Variants in COG2 observed in about 807,000 individuals in gnomAD.
COG2 encodes conserved oligomeric Golgi complex subunit 2.
In COG2, 52 loss-of-function variants were observed where a neutral mutation model predicts 90.6. The observed-to-expected ratio is 0.57, with a 90% confidence interval of 0.46 to 0.72. The LOEUF is 0.72. Ranked by LOEUF, COG2 falls within the 30% of genes least tolerant of loss-of-function variation. The pLI, the probability that COG2 is intolerant of heterozygous loss-of-function variation, is 0.00. For missense variants in COG2, 829 were observed against 891.2 expected (o/e 0.93, Z 0.89); for synonymous variants, 337 against 320.4 (o/e 1.05, Z -0.55).
intron 9 of COG2, chr1:230,678,599 C>A (rs1662655859): frequency 1.6e-6 from 2 of 1,277,858 alleles, no homozygotes; most frequent in African/African-American, 1.5e-5. Flanking sequence ...GCTGTCAATT[C>A]TAATTCCAGT....
Position 230,645,833 on chromosome 1 carries a change from G to A in COG2, c.72+3155G>A, listed in dbSNP as rs542430268. 4.6e-5 allele frequency among the ~76,000 whole-genome samples: 7 copies of A among 152,132 alleles called. No individual in the cohort carries two copies. The East Asian group carries it at 5.8e-4, about 13-fold the overall frequency. ...AAGGAGTGCCTAACCTAGATCCCTC[G>A]CATGTGCAGTTCACAGTAGGGTCCA... On this transcript the variant is annotated intron_variant, in intron 1 of 17. Transcript: ENST00000366669.
intron 6 of COG2, chr1:230,669,027 C>A: frequency 2.2e-6 from 1 of 458,686 alleles, no homozygotes; most frequent in Non-Finnish European, 3.8e-6. Flanking sequence ...AATTGGACAT[C>A]TTATATGATG....
intron 12 of COG2, among the ~76,000 whole-genome samples, chr1:230,686,614 T>C (rs936754672): frequency 9.2e-5 from 14 of 152,346 alleles, no homozygotes; most frequent in Admixed American, 7.8e-4. Context: ...ATAATTGATT[T>C]TTTTAAAACC....
intron 6 of COG2, chr1:230,669,073 T>C (rs1558273580): frequency 1.1e-5 from 5 of 455,396 alleles, no homozygotes; most frequent in Non-Finnish European, 1.5e-5. Flanking sequence ...TTAATTGGAT[T>C]TTAAATCCAT....
At chr1:230,659,320 T>TA (rs1201901654) in intron 1 of COG2, 144 bp from the exon 2 acceptor site, 2 of 696,302 alleles carry the variant, frequency 2.9e-6, no homozygotes, top group African/African-American at 3.6e-5. Flanking sequence ...TACTGTCATG[T>TA]ATAAGCCAAG....
intron 16 of COG2, among the ~76,000 whole-genome samples, chr1:230,690,873 A>G (rs1663008422): frequency 6.6e-6 from 1 of 152,194 alleles, no homozygotes. Flanking sequence ...TTGAAATATA[A>G]CTCATTTATA....
chr1:230,656,156 A>G (rs1489608502), intron 1 of COG2, among the ~76,000 whole-genome samples: 4 of 151,476 alleles, frequency 2.6e-5, no homozygotes, highest in Non-Finnish European at 5.9e-5. Flanking sequence ...TAGCTTTTGA[A>G]TTTGTCTGCT....
chr1:230,674,530 C>A lies in COG2; in HGVS notation c.900-468C>A, dbSNP rs368135734. On this transcript the variant is annotated intron_variant, in intron 8 of 17. Transcript: ENST00000366669. ...ATTTGATAGTCATAGAATTTTAGAACTGAAAGTAATCTTAGAGATAGCTTA... is the reference window on the plus strand; with the variant it reads ...ATTTGATAGTCATAGAATTTTAGAAATGAAAGTAATCTTAGAGATAGCTTA... Among the ~76,000 whole-genome samples the A allele has an allele frequency of 3.9e-4, 59 of 152,320 alleles. 1 individual carries two copies. In the South Asian group the frequency reaches 0.012, roughly 30 times the overall value.
chr1:230,665,852 A>G (rs184821660), intron 5 of COG2, among the ~76,000 whole-genome samples: 22 of 151,990 alleles, frequency 1.4e-4, no homozygotes, highest in African/African-American at 1.9e-4. Context: ...CCTCCCAACT[A>G]TGTCCTCACT....
intron 1 of COG2, among the ~76,000 whole-genome samples, chr1:230,647,260 G>A (rs1408719831): frequency 6.6e-6 from 1 of 152,016 alleles, no homozygotes; most frequent in South Asian, 2.1e-4. Context: ...ATAGAGTTGG[G>A]TACTATCTGT....
At chr1:230,651,849 T>C (rs540748416) in intron 1 of COG2, among the ~76,000 whole-genome samples, 13 of 152,350 alleles carry the variant, frequency 8.5e-5, no homozygotes, top group Admixed American at 7.2e-4. Flanking sequence ...TAGTATTTTT[T>C]AATTAATAGA....
intron 1 of COG2, among the ~76,000 whole-genome samples, chr1:230,652,141 C>T (rs554387252): frequency 6.6e-4 from 101 of 152,296 alleles, no homozygotes; most frequent in Non-Finnish European, 1.1e-3. Context: ...AGTTTCACTG[C>T]TTTACAAATC....
At chr1:230,649,148 T>C (rs1379003348) in intron 1 of COG2, among the ~76,000 whole-genome samples, 1 of 152,234 alleles carries the variant, frequency 6.6e-6, no homozygotes, top group African/African-American at 2.4e-5. Context: ...TGCTACTGTT[T>C]CATAAAACTT....
At chr1:230,664,843 G>A (rs996626424) in intron 5 of COG2, among the ~76,000 whole-genome samples, 4 of 152,130 alleles carry the variant, frequency 2.6e-5, no homozygotes, top group Non-Finnish European at 4.4e-5. Context: ...TCTGTGGAAG[G>A]TTTTTATTTT....
In COG2 at chr1:230,684,034, A is replaced by AC. The variant is rs748011315; in HGVS notation, c.1228+406dup. Among the ~76,000 whole-genome samples, 240 of 150,828 alleles carry AC rather than the reference A, an allele frequency of 1.6e-3. 3 individuals carry two copies. Among genetic ancestry groups the AC allele is most frequent in the Middle Eastern group, 0.014 (4 of 290 alleles). ...CTCGAACTCTGACCTCAAGTGATTC[A>AC]CCCCCCCTTGGCCTTCCAGAGTGCT... On this transcript the variant is annotated intron_variant, in intron 11 of 17. Coordinates refer to ENST00000366669, the MANE Select transcript of COG2 (RefSeq NM_007357.3).
intron 1 of COG2, 75 bp from the exon 2 acceptor site, chr1:230,659,389 T>C: frequency 8.2e-7 from 1 of 1,222,292 alleles, no homozygotes; most frequent in Non-Finnish European, 1.2e-6. Context: ...TTTCTTACTC[T>C]TTCTTCCATT....
At chr1:230,645,143 G>C (rs369897782) in intron 1 of COG2, among the ~76,000 whole-genome samples, 43 of 151,624 alleles carry the variant, frequency 2.8e-4, no homozygotes, top group South Asian at 8.4e-4. Flanking sequence ...GCTGAGGTGG[G>C]AGGATTACCT....
At chr1:230,663,044 C>T in intron 3 of COG2, 97 bp from the exon 4 acceptor site, 1 of 834,534 alleles carries the variant, frequency 1.2e-6, no homozygotes, top group Non-Finnish European at 1.8e-6. Flanking sequence ...TAATACTGGC[C>T]TGTAGGTGTT....
chr1:230,655,096 C>G (rs1662016635), intron 1 of COG2, among the ~76,000 whole-genome samples: 1 of 152,156 alleles, frequency 6.6e-6, no homozygotes, highest in Non-Finnish European at 1.5e-5. Flanking sequence ...ATTTCTTTCT[C>G]TTGCCTGATT....
Sources: allele counts gnomAD v4.1 joint callset (sites outside exome capture counted in the v4.1 genomes callset), GRCh38; gene constraint gnomAD v4.1.1; transcripts MANE v1.5; gene names NCBI Gene and HGNC (gene_info 2026-07-23, HGNC 2026-07-21).